Variants in GTF3C1 observed in about 807,000 individuals in gnomAD.
The protein encoded by GTF3C1 is general transcription factor 3C polypeptide 1.
Under a neutral mutation model 226.7 loss-of-function variants are expected in GTF3C1, and 57 were observed. The ratio of observed to expected loss-of-function variants is 0.25; its 90% CI spans 0.20 to 0.31. The LOEUF is 0.31. GTF3C1 is among the 10% of genes least tolerant of loss of function. The pLI is 1.00. For synonymous variants in GTF3C1, 1,090 were observed against 1,084.8 expected (o/e 1.00, Z -0.09); for missense variants, 2,217 against 2,776.1 (o/e 0.80, Z 4.53).
chr16:27,503,190 T>C (rs970364353), intron 10 of GTF3C1, among the ~76,000 whole-genome samples, 195 bp from the exon 11 acceptor site: 12 of 152,266 alleles, frequency 7.9e-5, no homozygotes, highest in African/African-American at 2.6e-4. Flanking sequence ...TCAAAGACAT[T>C]GGCCAGCAGA....
chr16:27,519,585 C>T (rs927769050), intron 6 of GTF3C1, among the ~76,000 whole-genome samples: 4 of 152,232 alleles, frequency 2.6e-5, no homozygotes, highest in Admixed American at 2.6e-4. Flanking sequence ...GAGTAAGTAA[C>T]CGATCCTCTA....
At chr16:27,503,023 G>C (rs747912556) in intron 10 of GTF3C1, 28 bp from the exon 11 acceptor site, 2 of 1,600,998 alleles carry the variant, frequency 1.2e-6, no homozygotes, top group Non-Finnish European at 1.7e-6. Context: ...AGCACAAGAT[G>C]CAATGGGCTC....
chr16:27,484,535 G>A (rs532157372), intron 24 of GTF3C1, among the ~76,000 whole-genome samples, 182 bp from the exon 25 acceptor site: 1 of 152,348 alleles, frequency 6.6e-6, no homozygotes, highest in East Asian at 1.9e-4. Context: ...GGGAGATTCT[G>A]GGCAGACAAG....
chr16:27,500,730 G>A (rs954029012), intron 12 of GTF3C1, among the ~76,000 whole-genome samples: 11 of 152,204 alleles, frequency 7.2e-5, no homozygotes, highest in African/African-American at 2.7e-4. Context: ...TACAGAAATA[G>A]ATATGTCGAG....
In GTF3C1 at chr16:27,462,409, C is replaced by T. The variant is rs1468007003; in HGVS notation, c.6002G>A (p.Gly2001Asp). The change falls in exon 36 of 37, where the codon GGT becomes GAT. Residue 2001 changes from glycine to aspartate, a missense_variant. Coordinates refer to ENST00000356183, the MANE Select transcript of GTF3C1 (RefSeq NM_001520.4). The surrounding 1 kb of genome is among the most constrained non-coding windows in gnomAD (Gnocchi z 4.5). The stretch of plus-strand genomic sequence containing the variant: ...GTGGTACAGCATGGCCTCCATCATA[C>T]CCTTGCATACAGGAAGGTTCAGGTG... Reference protein sequence around the residue: ...DGHLNLPVCKGMMEAMLYHIM... With the variant: ...DGHLNLPVCKDMMEAMLYHIM... 1.2e-6 allele frequency: 2 copies of T among 1,612,242 alleles called. No individual in the cohort carries two copies. The highest frequency in any genetic ancestry group is 2.2e-5 in the South Asian group (2 of 90,710).
chr16:27,469,202 C>A lies in GTF3C1; in HGVS notation c.5074+89G>T. ...TGGCTGCACGCCTGGCCTGGGGAGC[C>A]TGAAGGTCTAGGTCCCAGGCCAGGC... is the stretch of plus-strand genomic sequence containing the variant. On this transcript the variant is annotated intron_variant, in intron 32 of 36. Coordinates refer to ENST00000356183, the MANE Select transcript of GTF3C1 (RefSeq NM_001520.4). This position sits in a 1 kb window ranked among gnomAD's most constrained non-coding sequence, Gnocchi z 4.5. 2 of 1,345,444 alleles carry A rather than the reference C, an allele frequency of 1.5e-6. No homozygotes were observed. The highest frequency in any genetic ancestry group is 2.0e-6 in the Non-Finnish European group (2 of 1,000,410). The allele number at this position is 1,345,444 out of a possible 1,614,324, so 83.3% of individuals were successfully genotyped here.
At chr16:27,466,002 C>G in intron 32 of GTF3C1, 1 of 173,592 alleles carries the variant, frequency 5.8e-6, no homozygotes, top group Non-Finnish European at 1.3e-5. Flanking sequence ...CCAGGGCTGG[C>G]TACTGTTGCT....
chr16:27,476,583 GGCACT>G, intron 28 of GTF3C1, 39 bp from the exon 29 acceptor site: 1 of 1,149,790 alleles, frequency 8.7e-7, no homozygotes, highest in Non-Finnish European at 1.3e-6. Context: ...TGAGACCACA[GGCACT>G]GCTCAGCTCA....
At position 27,491,967 on chromosome 16, in the gene GTF3C1, G is replaced by A. The variant is rs139372966; in HGVS notation, c.3151+371C>T. Among the ~76,000 whole-genome samples the A allele has an allele frequency of 2.4e-4, 36 of 152,284 alleles. 1 individual carries two copies. The South Asian group carries it at 3.5e-3, about 15-fold the overall frequency. The stretch of plus-strand genomic sequence containing the variant: ...CTAGGCCCTCACTGCACTCCTGTGA[G>A]CTGTGTCTCCTCTTCACACTAGATT... On this transcript the variant is annotated intron_variant, in intron 19 of 36. Transcript: ENST00000356183.
rs918573439 is a variant in GTF3C1, at chr16:27,470,301, G to A, written c.4621C>T (p.Arg1541Cys). 6 of 1,613,522 alleles carry A rather than the reference G, an allele frequency of 3.7e-6. No homozygotes were observed. The highest frequency in any genetic ancestry group is 1.7e-5 in the Admixed American group (1 of 60,022). ...RAAGKLDQPD[R>C]FSFKDQDNNE... ...TTATCCTGGTCTTTGAAAGAGAAAC[G>A]ATCAGGCTGGTCCAACTTGCCGGCA... is the stretch of plus-strand genomic sequence containing the variant. Residue 1541 changes from arginine (R) to cysteine (C), a missense_variant, in exon 31 of 37, where the codon CGT (arginine) becomes TGT (cysteine). Coordinates refer to ENST00000356183, the MANE Select transcript of GTF3C1 (RefSeq NM_001520.4). This position sits in a 1 kb window ranked among gnomAD's most constrained non-coding sequence, Gnocchi z 4.9.
intron 6 of GTF3C1, among the ~76,000 whole-genome samples, chr16:27,524,466 C>T (rs2088800023): frequency 6.6e-6 from 1 of 152,136 alleles, no homozygotes; most frequent in African/African-American, 2.4e-5. Context: ...GGTACTATTA[C>T]CCCCTAGATA....
chr16:27,465,799 C>T (rs958223647), intron 32 of GTF3C1: 1 of 520,758 alleles, frequency 1.9e-6, no homozygotes, highest in Non-Finnish European at 3.5e-6. Context: ...TTCTCCTGCT[C>T]AAGATGTAAA....
intron 6 of GTF3C1, among the ~76,000 whole-genome samples, chr16:27,515,236 G>A (rs976254098): frequency 6.6e-6 from 1 of 152,126 alleles, no homozygotes; most frequent in African/African-American, 2.4e-5. Context: ...TTTGAGGTCA[G>A]GAGTTTGAGA....
chr16:27,527,620 T>C (rs1033074390), intron 6 of GTF3C1, among the ~76,000 whole-genome samples: 22 of 152,210 alleles, frequency 1.4e-4, no homozygotes, highest in African/African-American at 5.1e-4. Context: ...TTTTCTTACA[T>C]ATAAAATGGT....
In GTF3C1 at chr16:27,465,377, C is replaced by T; in HGVS notation, c.5238G>A (p.Leu1746=). Residue 1746 remains leucine (L), a synonymous_variant, in exon 33 of 37, where the codon TTG becomes TTA. Coordinates refer to ENST00000356183, the MANE Select transcript of GTF3C1 (RefSeq NM_001520.4). The part of the protein sequence containing the change: ...PEDLTAALEI[L]EAIIATGCFG... ...AACAACCCGTGGCTATAATGGCTTC[C>T]AAGATCTCCAAGGCAGCAGTCAGGT... is the stretch of plus-strand genomic sequence containing the variant. 1 of 1,614,164 alleles carries T rather than the reference C, an allele frequency of 6.2e-7. No individual in the cohort carries two copies. The highest frequency in any genetic ancestry group is 8.5e-7 in the Non-Finnish European group (1 of 1,180,012).
Position 27,464,352 on chromosome 16 carries a change from G to A in GTF3C1, c.5840C>T (p.Ala1947Val), listed in dbSNP as rs2087750385. 3 of 1,544,886 alleles carry A rather than the reference G, an allele frequency of 1.9e-6. No homozygotes were observed. The highest frequency in any genetic ancestry group is 2.1e-5 in the Admixed American group (1 of 47,692). ...GTCTTCAGAGCCCTCTGGAGGCTGC[G>A]CCTGGCCGCTCAGCTGCTCTTGGCC... The part of the protein sequence containing the change: ...SPGQEQLSGQ[A>V]QPPEGSEDPR... The change falls in exon 34 of 37, where the codon GCG becomes GTG. Residue 1947 changes from alanine (A) to valine (V), a missense_variant. Coordinates refer to ENST00000356183, the MANE Select transcript of GTF3C1 (RefSeq NM_001520.4).
chr16:27,484,975 C>T (rs142897558), intron 24 of GTF3C1, among the ~76,000 whole-genome samples: 1 of 152,356 alleles, frequency 6.6e-6, no homozygotes, highest in African/African-American at 2.4e-5. Context: ...CCTCCAGCTG[C>T]ACCAGAGCTG....
intron 14 of GTF3C1, among the ~76,000 whole-genome samples, chr16:27,496,759 T>G (rs993748020): frequency 5.3e-5 from 8 of 152,228 alleles, no homozygotes; most frequent in Non-Finnish European, 1.2e-4. Flanking sequence ...CGCTGTTGCT[T>G]GATTTTCCCC....
intron 4 of GTF3C1, 103 bp from the exon 5 acceptor site, chr16:27,533,490 T>C (rs1247194563): frequency 7.4e-6 from 5 of 678,868 alleles, no homozygotes; most frequent in Non-Finnish European, 1.3e-5. Flanking sequence ...ACTTAATCAT[T>C]TTACAATAAA....
Sources: gnomAD v4.1 joint callset for allele counts (sites outside exome capture counted in the v4.1 genomes callset) on GRCh38, gnomAD v4.1.1 for gene constraint, Gnocchi (gnomAD v3.1) non-coding constraint, MANE v1.5 for transcripts, NCBI Gene and HGNC (gene_info 2026-07-23, HGNC 2026-07-21) for gene names.